Variants in FBXL13 observed in about 807,000 individuals in gnomAD.
FBXL13 encodes F-box and leucine-rich repeat protein 13.
In FBXL13, 67 loss-of-function variants were observed where a neutral mutation model predicts 83.6. The ratio of observed to expected loss-of-function variants is 0.80; its 90% CI spans 0.66 to 0.98. FBXL13 has a LOEUF of 0.98. FBXL13 is among the 50% of genes least tolerant of loss of function. The pLI, the probability that FBXL13 is intolerant of heterozygous loss-of-function variation, is 0.00. For missense variants in FBXL13, 822 were observed against 866.5 expected (o/e 0.95, Z 0.64); for synonymous variants, 272 against 299.5 (o/e 0.91, Z 0.95).
At position 102,878,389 on chromosome 7, in the gene FBXL13, GCT is replaced by G. The variant is rs1286781009; in HGVS notation, c.1448_1449del (p.Glu483AlafsTer11). 6.2e-7 allele frequency: 1 copy of G among 1,610,114 alleles called. No homozygotes were observed. The highest frequency in any genetic ancestry group is 8.5e-7 in the Non-Finnish European group (1 of 1,178,076). On this transcript the variant is annotated frameshift_variant, in exon 15 of 20. Transcript: ENST00000313221. LOFTEE classifies it high-confidence loss of function. ...AGCCGCACACAGTTGCTTAAATTTA[GCT>G]CTCTTATCCTCATGCTTGCAGGACC...
At chr7:102,849,745 G>A (rs149754024) in intron 17 of FBXL13, among the ~76,000 whole-genome samples, 2 of 152,238 alleles carry the variant, frequency 1.3e-5, no homozygotes, top group African/African-American at 4.8e-5. Context: ...AGGAGGCAAG[G>A]GGAAAGATTA....
intron 10 of FBXL13, among the ~76,000 whole-genome samples, chr7:102,925,553 G>A (rs1156271453): frequency 1.3e-5 from 2 of 152,140 alleles, no homozygotes; most frequent in African/African-American, 4.8e-5. Flanking sequence ...AAGCTCCCTA[G>A]AGGTGGTGGG....
intron 8 of FBXL13, among the ~76,000 whole-genome samples, chr7:102,935,789 G>A (rs1463904836): frequency 6.6e-6 from 1 of 152,148 alleles, no homozygotes; most frequent in African/African-American, 2.4e-5. Flanking sequence ...TAATATTAAA[G>A]CCAGATGTCA....
chr7:102,871,478 C>T lies in FBXL13; in HGVS notation c.1635+5989G>A, dbSNP rs1808529587. On this transcript the variant is annotated intron_variant, in intron 16 of 19. Transcript: ENST00000313221. The stretch of plus-strand genomic sequence containing the variant: ...TCGGCTCACTGCAGGCTTGACCTCC[C>T]GGGCTCAAGTGATCCTCCCACCTCA... Among the ~76,000 whole-genome samples the T allele has an allele frequency of 2.6e-5, 4 of 152,022 alleles. No individual in the cohort carries two copies. The Middle Eastern group carries it at 0.014, about 517-fold the overall frequency.
rs58680607 is a variant in FBXL13 at position 103,024,851 on chromosome 7, A to T, written c.495+212T>A. 7.4e-3 allele frequency among the ~76,000 whole-genome samples: 700 copies of T among 94,756 alleles called. 12 individuals carry two copies. Among genetic ancestry groups the T allele is most frequent in the African/African-American group, 0.023 (483 of 20,856 alleles). The allele number at this position is 94,756 out of a possible 152,430, so 62.2% of individuals were successfully genotyped here. On this transcript the variant is annotated intron_variant, in intron 6 of 19. Coordinates refer to ENST00000313221, the Ensembl canonical transcript of FBXL13. Reference sequence around the variant, plus strand: ...TATATGTGTATATATATATATATATATATATATTTTTTTTTTTTTTTTTTT... The same window carrying T: ...TATATGTGTATATATATATATATATTTATATATTTTTTTTTTTTTTTTTTT...
At chr7:102,834,098 G>GGAAGGAAGGAAGGAAGGA (rs1432090797) in intron 17 of FBXL13, among the ~76,000 whole-genome samples, 2 of 93,914 alleles carry the variant, frequency 2.1e-5, no homozygotes, top group African/African-American at 1.0e-4. Context: ...AAGAAAGAAA[G>GGAAGGAAGGAAGGAAGGA]AAAGAAAGAA....
At chr7:103,043,908 C>T (rs368012420) in intron 2 of FBXL13, among the ~76,000 whole-genome samples, 19 of 152,208 alleles carry the variant, frequency 1.2e-4, no homozygotes, top group African/African-American at 2.4e-4. Flanking sequence ...TAATGTTATT[C>T]GGAAATCATT....
chr7:103,064,636 G>A (rs905331798), intron 1 of FBXL13, among the ~76,000 whole-genome samples: 14 of 152,180 alleles, frequency 9.2e-5, no homozygotes, highest in African/African-American at 3.1e-4. Context: ...GGCCATAACA[G>A]TATCTCCCAT....
At chr7:102,826,723 T>TCTCATA (rs2129446426) in intron 18 of FBXL13, among the ~76,000 whole-genome samples, 1 of 50,660 alleles carries the variant, frequency 2.0e-5, no homozygotes, top group African/African-American at 6.7e-5. Context: ...AGACCCTGTC[T>TCTCATA]CATATATATA....
chr7:103,056,353 T>C (rs1797335042), intron 1 of FBXL13, among the ~76,000 whole-genome samples: 1 of 152,182 alleles, frequency 6.6e-6, no homozygotes, highest in Non-Finnish European at 1.5e-5. Flanking sequence ...TTTCATATAA[T>C]AACTTATTTT....
At chr7:102,996,631 C>T (rs1351368632) in intron 6 of FBXL13, among the ~76,000 whole-genome samples, 2 of 152,270 alleles carry the variant, frequency 1.3e-5, no homozygotes, top group Non-Finnish European at 2.9e-5. Context: ...AAGTTCTAAC[C>T]TAAAACACAT....
At chr7:102,992,982 C>G (rs963577376) in intron 6 of FBXL13, among the ~76,000 whole-genome samples, 4 of 152,184 alleles carry the variant, frequency 2.6e-5, no homozygotes, top group African/African-American at 9.7e-5. Context: ...CAATGTTCCA[C>G]CAAAAATCAA....
chr7:102,813,583 A>G (rs773410692), intron 19 of FBXL13, 52 bp from the exon 21 acceptor site: 5 of 1,565,252 alleles, frequency 3.2e-6, no homozygotes, highest in Non-Finnish European at 4.3e-6. Context: ...CCCCTAGTGC[A>G]AAATTTTCAA....
chr7:102,910,945 A>T (rs1000922430), intron 11 of FBXL13, among the ~76,000 whole-genome samples: 1 of 152,132 alleles, frequency 6.6e-6, no homozygotes, highest in African/African-American at 2.4e-5. Flanking sequence ...TTTCTGGTAG[A>T]GACGTGGGTC....
exon 2 of FBXL13, chr7:103,055,706 C>A (rs978710608): frequency 7.8e-7 from 1 of 1,285,318 alleles, no homozygotes; most frequent in African/African-American, 1.5e-5. Context: ...AATACCTCAG[C>A]GGATCCTCAG....
At chr7:102,920,116 C>T (rs1816694062) in intron 10 of FBXL13, among the ~76,000 whole-genome samples, 2 of 152,112 alleles carry the variant, frequency 1.3e-5, no homozygotes, top group African/African-American at 4.8e-5. Context: ...TCACTGTGTA[C>T]CACAGGAGTA....
intron 10 of FBXL13, among the ~76,000 whole-genome samples, chr7:102,925,494 C>T (rs959261757): frequency 2.6e-5 from 4 of 152,150 alleles, no homozygotes; most frequent in Admixed American, 6.5e-5. Context: ...GCAATATTCA[C>T]GTCCAATGTT....
At chr7:102,861,112 G>A (rs972772924) in intron 16 of FBXL13, among the ~76,000 whole-genome samples, 49 of 151,614 alleles carry the variant, frequency 3.2e-4, no homozygotes, top group African/African-American at 1.1e-3. Flanking sequence ...TAGGAATAAC[G>A]ACATTTTCCT....
At chr7:103,016,309 C>T (rs1019157517) in intron 6 of FBXL13, among the ~76,000 whole-genome samples, 1 of 120,156 alleles carries the variant, frequency 8.3e-6, no homozygotes, top group African/African-American at 3.3e-5. Flanking sequence ...GTTACAAAAA[C>T]AGAAATGTGG....
Sources: allele counts gnomAD v4.1 joint callset (sites outside exome capture counted in the v4.1 genomes callset), GRCh38; gene constraint gnomAD v4.1.1; transcripts MANE v1.5; gene names NCBI Gene and HGNC (gene_info 2026-07-23, HGNC 2026-07-21).